The following GLDC variants were observed in gnomAD, a reference collection of about 807,000 sequenced individuals.
GLDC encodes the protein glycine dehydrogenase (decarboxylating), mitochondrial.
Under a neutral mutation model 121.3 loss-of-function variants are expected in GLDC, and 104 were observed. The observed-to-expected ratio is 0.86, with a 90% confidence interval of 0.73 to 1.01. The LOEUF is 1.01. Ranked by LOEUF, GLDC falls within the 50% of genes least tolerant of loss-of-function variation. The pLI is 0.00. For synonymous variants in GLDC, 546 were observed against 480.6 expected (o/e 1.14, Z -1.78); for missense variants, 1,429 against 1,306.6 (o/e 1.09, Z -1.44).
At chr9:6,643,260 A>G (rs1003660126) in intron 2 of GLDC, among the ~76,000 whole-genome samples, 5 of 151,834 alleles carry the variant, frequency 3.3e-5, no homozygotes, top group Non-Finnish European at 5.9e-5. Flanking sequence ...CTAAATCTCA[A>G]TTAGTTCAAT....
At chr9:6,536,692 C>G (rs1044599568) in intron 22 of GLDC, among the ~76,000 whole-genome samples, 1 of 152,108 alleles carries the variant, frequency 6.6e-6, no homozygotes, top group African/African-American at 2.4e-5. Flanking sequence ...TTTTCTTTCA[C>G]TTCGATTGTA....
intron 2 of GLDC, among the ~76,000 whole-genome samples, chr9:6,629,958 T>TATATATATGTATA: frequency 1.3e-5 from 1 of 78,680 alleles, no homozygotes; most frequent in Non-Finnish European, 2.4e-5. Context: ...TATATATATA[T>TATATATATGTATA]TTTTTTTTTT....
chr9:6,539,948 T>C lies in GLDC; in HGVS notation c.2665+103A>G, dbSNP rs1817220246. The C allele has an allele frequency of 2.9e-5, 24 of 821,434 alleles. No individual in the cohort carries two copies. In the South Asian group the frequency reaches 3.2e-4, roughly 11 times the overall value. 50.9% of individuals were successfully genotyped at this position (821,434 alleles called of 1,614,324 possible). A position where few individuals can be genotyped will look rare whatever the true frequency, so the allele number is the denominator to read the frequency against. On this transcript the variant is annotated intron_variant, in intron 22 of 24. Coordinates refer to ENST00000321612, the MANE Select transcript of GLDC (RefSeq NM_000170.3). ...CCAAGAACCCTGAGCTCCCCATTTA[T>C]CCCCCAGATCAGTTTACTGTGGTGC...
At chr9:6,575,496 A>C (rs1340158239) in intron 15 of GLDC, among the ~76,000 whole-genome samples, 1 of 152,224 alleles carries the variant, frequency 6.6e-6, no homozygotes, top group Non-Finnish European at 1.5e-5. Context: ...CTGTAGGGTG[A>C]GGCTCAGTAA....
intron 21 of GLDC, among the ~76,000 whole-genome samples, chr9:6,549,240 G>T (rs1359981294): frequency 6.6e-6 from 1 of 152,126 alleles, no homozygotes; most frequent in Non-Finnish European, 1.5e-5. Flanking sequence ...ACGTGCATTT[G>T]TCTGTTGACT....
chr9:6,624,589 T>G (rs1695037825), intron 2 of GLDC, among the ~76,000 whole-genome samples: 1 of 152,168 alleles, frequency 6.6e-6, no homozygotes, highest in Non-Finnish European at 1.5e-5. Context: ...ACCTAGTTTG[T>G]GGTACTATAT....
intron 8 of GLDC, among the ~76,000 whole-genome samples, chr9:6,601,311 G>C (rs914749581): frequency 2.0e-5 from 3 of 152,152 alleles, no homozygotes; most frequent in African/African-American, 7.2e-5. Context: ...CTCCTTCTCA[G>C]TCCTAAGAGA....
chr9:6,624,668 C>G (rs1358261763), intron 2 of GLDC, among the ~76,000 whole-genome samples: 1 of 152,150 alleles, frequency 6.6e-6, no homozygotes, highest in Non-Finnish European at 1.5e-5. Context: ...CGATAATACT[C>G]TTGGGCCCAG....
At chr9:6,613,589 A>G (rs752825389) in intron 3 of GLDC, among the ~76,000 whole-genome samples, 12 of 152,246 alleles carry the variant, frequency 7.9e-5, no homozygotes, top group East Asian at 1.9e-4. Flanking sequence ...GTATTAAATA[A>G]CTTATGAAAT....
chr9:6,596,052 A>T (rs1051087421), intron 8 of GLDC, among the ~76,000 whole-genome samples: 11 of 152,224 alleles, frequency 7.2e-5, no homozygotes, highest in African/African-American at 2.4e-4. Flanking sequence ...AAACACTCTT[A>T]TGGACTCCTT....
chr9:6,583,357 T>C (rs1818207979), intron 15 of GLDC, among the ~76,000 whole-genome samples: 1 of 152,142 alleles, frequency 6.6e-6, no homozygotes, highest in Admixed American at 6.6e-5. Context: ...ATGTGCTATA[T>C]ATATGCAATG....
intron 14 of GLDC, 75 bp from the exon 15 acceptor site, chr9:6,587,358 A>C: frequency 1.8e-6 from 2 of 1,141,014 alleles, no homozygotes; most frequent in Non-Finnish European, 2.6e-6. Flanking sequence ...AATAATAATG[A>C]CGATGATGAG....
rs386833536 is a variant in GLDC at position 6,558,659 on chromosome 9, T to C, written c.1952A>G (p.His651Arg). 1.9e-6 allele frequency: 3 copies of C among 1,614,168 alleles called. No individual in the cohort carries two copies. Among genetic ancestry groups the C allele is most frequent in the Non-Finnish European group, 2.5e-6 (3 of 1,180,014 alleles). ...RTVCLIPKSA[H>R]GTNPASAHMA... ...GTGGGCACTTGCTGGGTTGGTCCCA[T>C]GTGCTGATTTCGGAATGAGGCAAAC... Residue 651 changes from histidine (H) to arginine (R), a missense_variant, in exon 17 of 25, where the codon CAT becomes CGT. By Grantham distance (29) the His-to-Arg change is conservative. Transcript: ENST00000321612.
chr9:6,608,354 G>A (rs1251010278), intron 4 of GLDC, among the ~76,000 whole-genome samples: 4 of 150,596 alleles, frequency 2.7e-5, no homozygotes, highest in South Asian at 2.1e-4. Context: ...CCCAGGAGGC[G>A]GAGCTTGCAG....
intron 2 of GLDC, among the ~76,000 whole-genome samples, chr9:6,625,076 A>G (rs1162623468): frequency 1.3e-5 from 2 of 152,108 alleles, no homozygotes; most frequent in African/African-American, 4.8e-5. Context: ...TAGTGGAAGT[A>G]ATCGACCCCA....
chr9:6,598,224 T>TCTCA (rs1818529384), intron 8 of GLDC, among the ~76,000 whole-genome samples: 1 of 151,750 alleles, frequency 6.6e-6, no homozygotes, highest in Non-Finnish European at 1.5e-5. Flanking sequence ...TAGACAGGAG[T>TCTCA]CTCACTATGT....
intron 11 of GLDC, among the ~76,000 whole-genome samples, chr9:6,589,644 C>T (rs1818339002): frequency 1.3e-5 from 2 of 152,132 alleles, no homozygotes; most frequent in South Asian, 2.1e-4. Flanking sequence ...CCAGGCTGGT[C>T]ACAAACTCCT....
At chr9:6,629,027 G>C (rs1587978895) in intron 2 of GLDC, among the ~76,000 whole-genome samples, 2 of 151,774 alleles carry the variant, frequency 1.3e-5, no homozygotes, top group East Asian at 1.9e-4. Context: ...GTAAGAACTT[G>C]CGCTGCTTCT....
intron 3 of GLDC, among the ~76,000 whole-genome samples, chr9:6,615,738 A>G (rs2129934819): frequency 6.6e-6 from 1 of 151,332 alleles, no homozygotes; most frequent in East Asian, 2.0e-4. Context: ...AGCCTCCCAA[A>G]TATCTGAGAT....
Sources: gnomAD v4.1 joint callset for allele counts (sites outside exome capture counted in the v4.1 genomes callset) on GRCh38, gnomAD v4.1.1 for gene constraint, MANE v1.5 for transcripts, NCBI Gene and HGNC (gene_info 2026-07-23, HGNC 2026-07-21) for gene names.